The following AASDH variants were observed in gnomAD, a reference collection of about 807,000 sequenced individuals.
The protein encoded by AASDH is aminoadipate-semialdehyde dehydrogenase, also known as beta-alanine-activating enzyme.
Under a neutral mutation model 102.3 loss-of-function variants are expected in AASDH, and 81 were observed. The observed-to-expected ratio is 0.79, with a 90% confidence interval of 0.66 to 0.95. The LOEUF (loss-of-function observed/expected upper bound fraction) is 0.95, where lower values mean the gene tolerates loss of function less well. Ranked by LOEUF, AASDH falls within the 40% of genes least tolerant of loss-of-function variation. AASDH has a pLI of 0.00. For missense variants in AASDH, 1,203 were observed against 1,266.2 expected, an observed-to-expected ratio of 0.95 and a Z score of 0.76; for synonymous variants, 398 against 454.0, an observed-to-expected ratio of 0.88 and a Z score of 1.57.
intron 5 of AASDH, chr4:56,356,782 C>T (rs1749688748): frequency 1.4e-6 from 1 of 732,892 alleles, no homozygotes; most frequent in African/African-American, 1.7e-5. Context: ...TTTGGCTAAG[C>T]TAGTGGAAGC....
rs1406918908 is a variant in AASDH, at chr4:56,349,790, T to G, written c.1961A>C (p.Glu654Ala). The G allele has an allele frequency of 3.7e-6, 6 of 1,614,090 alleles. No individual in the cohort carries two copies. Residue 654 changes from glutamate (E) to alanine (A), a missense_variant, in exon 11 of 15, where the codon GAG becomes GCG. Transcript: ENST00000205214. ...ATGTAAAGATGTTCCACTGGCTTCC[T>G]CTTGATTAATGTCGCTGAGTTTCCT... is the stretch of plus-strand genomic sequence containing the variant. ...TKRKLSDINQ[E>A]EASGTSLHQK... is the part of the protein sequence containing the mutation.
Position 56,349,621 on chromosome 4 carries a change from T to C in AASDH, c.2130A>G (p.Ser710=). The change falls in exon 11 of 15, where the codon TCA becomes TCG. Residue 710 remains serine (S), a synonymous_variant. Transcript: ENST00000205214. ...GHCSSACPSD[S]VSQTNIQNLK... The stretch of plus-strand genomic sequence containing the variant: ...AATTTTGAATGTTGGTCTGTGAAAC[T>C]GAGTCAGAAGGACAGGCTGAAGAGC... 1 of 1,614,218 alleles carries C rather than the reference T, an allele frequency of 6.2e-7. No individual in the cohort carries two copies. The highest frequency in any genetic ancestry group is 8.5e-7 in the Non-Finnish European group (1 of 1,180,038).
intron 1 of AASDH, among the ~76,000 whole-genome samples, chr4:56,385,621 A>C (rs1050795520): frequency 1.3e-5 from 2 of 152,084 alleles, no homozygotes; most frequent in Admixed American, 1.3e-4. Context: ...TGTTTTTGTG[A>C]CAGTCTCGCT....
intron 4 of AASDH, among the ~76,000 whole-genome samples, chr4:56,377,677 A>C (rs1752515852): frequency 6.6e-6 from 1 of 152,268 alleles, no homozygotes; most frequent in South Asian, 2.1e-4. Context: ...TAGTCTGCAG[A>C]GAACTAAAGT....
rs1442203919 is a variant in AASDH, at chr4:56,338,740, G to A, written c.2959C>T (p.Pro987Ser). The stretch of plus-strand genomic sequence containing the variant: ...CCAAAAAATATTTTTTGCTCTGATG[G>A]TGAGGTACACGGGGATGAAAAGATT... ...GPIFSSPCTS[P>S]SEQKIFFGSH... Residue 987 changes from proline to serine, a missense_variant, in exon 15 of 15, where the codon CCA becomes TCA. Coordinates refer to ENST00000205214, the MANE Select transcript of AASDH (RefSeq NM_181806.4). The A allele has an allele frequency of 5.0e-6, 8 of 1,614,044 alleles. No homozygotes were observed. In the Admixed American group the frequency reaches 1.0e-4, roughly 20 times the overall value.
chr4:56,364,427 G>A (rs7680428), intron 5 of AASDH, among the ~76,000 whole-genome samples: 96,452 of 151,752 alleles, frequency 0.64, 30,750 homozygotes, highest in Admixed American at 0.71. Context: ...CAGATTCACC[G>A]AAGTTGAAAT....
In AASDH at chr4:56,377,213, G is replaced by T. The variant is rs533983790; in HGVS notation, c.668+935C>A. Among the ~76,000 whole-genome samples the T allele has an allele frequency of 4.4e-4, 67 of 151,572 alleles. 1 individual carries two copies. The South Asian group carries it at 0.013, about 30-fold the overall frequency. ...AAAACTTAAAATGACATAAAATTAC[G>T]TACATGTTTCATGAGGTTTCTATTT... is the stretch of plus-strand genomic sequence containing the variant. On this transcript the variant is annotated intron_variant, in intron 4 of 14. Coordinates refer to ENST00000205214, the MANE Select transcript of AASDH (RefSeq NM_181806.4).
At chr4:56,377,079 A>T (rs866672967) in intron 4 of AASDH, among the ~76,000 whole-genome samples, 2 of 88,674 alleles carry the variant, frequency 2.3e-5, no homozygotes, top group African/African-American at 4.1e-5. Context: ...AAAAAAAAAA[A>T]AATAAATAAA....
At chr4:56,356,961 A>G (rs1407229487) in intron 5 of AASDH, 3 of 477,216 alleles carry the variant, frequency 6.3e-6, no homozygotes, top group South Asian at 2.9e-5. Flanking sequence ...CTGTAAATAA[A>G]AATAATTAAA....
chr4:56,384,182 T>C lies in AASDH; in HGVS notation c.118A>G (p.Asn40Asp). ...PVYYTYKTVV[N>D]AASELSNFLL... ...AAATTTGATAATTCAGAAGCAGCAT[T>C]AACCACAGTCTTGTAGGTGTAGTAA... is the stretch of plus-strand genomic sequence containing the variant. The change falls in exon 2 of 15, where the codon AAT (asparagine) becomes GAT (aspartate). Residue 40 changes from asparagine (N) to aspartate (D), a missense_variant. Physicochemically the swap from Asn to Asp is conservative, Grantham distance 23. Transcript: ENST00000205214. 5 of 1,614,164 alleles carry C rather than the reference T, an allele frequency of 3.1e-6. No homozygotes were observed. The highest frequency in any genetic ancestry group is 3.4e-6 in the Non-Finnish European group (4 of 1,180,020).
chr4:56,357,052 A>G, intron 5 of AASDH: 1 of 316,256 alleles, frequency 3.2e-6, no homozygotes. Flanking sequence ...TTATTGAGAT[A>G]TAACTGACAT....
intron 5 of AASDH, among the ~76,000 whole-genome samples, chr4:56,364,112 G>A (rs1412116029): frequency 6.6e-6 from 1 of 152,188 alleles, no homozygotes; most frequent in East Asian, 1.9e-4. Context: ...GGAAGAAAGG[G>A]TATCAGTGAT....
At chr4:56,356,310 C>A in intron 5 of AASDH, 1 of 1,353,392 alleles carries the variant, frequency 7.4e-7, no homozygotes, top group South Asian at 1.2e-5. Context: ...TAGCCCTGCT[C>A]TATCAGGTTG....
chr4:56,370,380 C>G (rs528309945), intron 5 of AASDH, among the ~76,000 whole-genome samples: 4 of 147,174 alleles, frequency 2.7e-5, no homozygotes, highest in South Asian at 4.4e-4. Context: ...GAGAGAGGGA[C>G]AGAGAGAGAG....
At chr4:56,342,791 ATATATATAAAAATG>A in intron 14 of AASDH, 30 bp downstream of exon 14, 4 of 751,222 alleles carry the variant, frequency 5.3e-6, no homozygotes, top group Non-Finnish European at 6.9e-6. Context: ...ATACATTTAT[ATATATATAAAAATG>A]TATATATAAA....
chr4:56,362,655 T>G (rs1310769621), intron 5 of AASDH, among the ~76,000 whole-genome samples: 2 of 152,170 alleles, frequency 1.3e-5, no homozygotes, highest in African/African-American at 2.4e-5. Context: ...AGCGCTTTAG[T>G]AAATAAAAAA....
chr4:56,379,789 A>G (rs1294082087), intron 3 of AASDH, among the ~76,000 whole-genome samples: 24 of 152,204 alleles, frequency 1.6e-4, no homozygotes, highest in Admixed American at 1.6e-3. Flanking sequence ...ACTTCAGGCA[A>G]ACAGCCAACA....
chr4:56,338,476 C>G lies in AASDH; in HGVS notation c.3223G>C (p.Glu1075Gln), dbSNP rs761887807. Residue 1075 changes from glutamate to glutamine, a missense_variant, in exon 15 of 15, where the codon GAA becomes CAA. By Grantham distance (29) the Glu-to-Gln change is conservative (BLOSUM62 2). Transcript: ENST00000205214. ...CTACACCCAATAATGAGCATTGATT[C>G]CAGGACCACAGGAGAAGAGAAGACT... ...GEVFSSPVVL[E>Q]SMLIIGCRDN... is the part of the protein sequence containing the mutation. The G allele has an allele frequency of 3.2e-5, 51 of 1,613,858 alleles. 1 individual carries two copies. In the South Asian group the frequency reaches 5.5e-4, roughly 17 times the overall value.
In AASDH at chr4:56,338,646, G is replaced by GAAGT; in HGVS notation, c.3049_3052dup (p.Ser1018TyrfsTer13). 6.2e-7 allele frequency: 1 copy of GAAGT among 1,614,172 alleles called. No individual in the cohort carries two copies. The highest frequency in any genetic ancestry group is 8.5e-7 in the Non-Finnish European group (1 of 1,180,028). Reference sequence around the variant, plus strand: ...AGCAAACGGTGTTGCATAGACCCTTGAAGTAGTTTCAAATTTCCACTGCAG... The same window carrying GAAGT: ...AGCAAACGGTGTTGCATAGACCCTTGAAGTAAGTAGTTTCAAATTTCCACTGCAG... On this transcript the variant is annotated frameshift_variant, in exon 15 of 15. Coordinates refer to ENST00000205214, the MANE Select transcript of AASDH (RefSeq NM_181806.4). LOFTEE classifies it high-confidence loss of function.
Sources: gnomAD v4.1 joint callset for allele counts (sites outside exome capture counted in the v4.1 genomes callset) on GRCh38, gnomAD v4.1.1 for gene constraint, MANE v1.5 for transcripts, NCBI Gene and HGNC (gene_info 2026-07-23, HGNC 2026-07-21) for gene names.